The following RNF212B variants were observed in gnomAD, a reference collection of about 807,000 sequenced individuals.
RNF212B encodes the protein E3 ubiquitin-protein ligase RNF212B.
Under a neutral mutation model 55.5 loss-of-function variants are expected in RNF212B, and 52 were observed. The observed-to-expected ratio is 0.94, with a 90% CI of 0.75 to 1.18. The LOEUF (loss-of-function observed/expected upper bound fraction) is 1.18, where lower values mean the gene tolerates loss of function less well. RNF212B is among the 50% of genes most tolerant of loss of function. The pLI, the probability that RNF212B is intolerant of heterozygous loss-of-function variation, is 0.00. For missense variants in RNF212B, 289 were observed against 350.4 expected (o/e 0.82, Z 1.40); for synonymous variants, 99 against 121.4 (o/e 0.82, Z 1.21).
At chr14:23,257,156 C>A (rs117713013) in intron 4 of RNF212B, among the ~76,000 whole-genome samples, 60,018 of 150,942 alleles carry the variant, frequency 0.4, 11,984 homozygotes, top group East Asian at 0.42. Flanking sequence ...CAGTCACACA[C>A]ACACAAAAAA....
intron 2 of RNF212B, among the ~76,000 whole-genome samples, chr14:23,226,500 G>A (rs1360064408): frequency 6.6e-6 from 1 of 151,612 alleles, no homozygotes; most frequent in Non-Finnish European, 1.5e-5. Context: ...ACATGGCGGC[G>A]TGCGCCTGTA....
At chr14:23,246,399 A>C (rs1883981579) in intron 4 of RNF212B, among the ~76,000 whole-genome samples, 1 of 152,158 alleles carries the variant, frequency 6.6e-6, no homozygotes, top group Non-Finnish European at 1.5e-5. Context: ...AAATACAGTA[A>C]AGTGATAATA....
chr14:23,264,318 A>T, intron 10 of RNF212B, 84 bp downstream of exon 10: 1 of 1,189,520 alleles, frequency 8.4e-7, no homozygotes, highest in South Asian at 1.4e-5. Flanking sequence ...TTAAATTTAT[A>T]TTGGTTTTGG....
intron 2 of RNF212B, among the ~76,000 whole-genome samples, chr14:23,225,032 A>G (rs985090778): frequency 6.6e-6 from 1 of 152,164 alleles, no homozygotes; most frequent in African/African-American, 2.4e-5. Flanking sequence ...ACATAAATGC[A>G]AATTGAAACT....
At chr14:23,255,551 A>G (rs1197578692) in intron 4 of RNF212B, among the ~76,000 whole-genome samples, 1 of 152,190 alleles carries the variant, frequency 6.6e-6, no homozygotes, top group Non-Finnish European at 1.5e-5. Context: ...CAATAGAACT[A>G]CTTTTATTAT....
intron 2 of RNF212B, among the ~76,000 whole-genome samples, chr14:23,222,209 T>C (rs1039852658): frequency 1.3e-5 from 2 of 151,810 alleles, no homozygotes; most frequent in Non-Finnish European, 2.9e-5. Context: ...AAAAAGTTCT[T>C]TTGAAAAGAT....
chr14:23,204,532 G>A (rs1394665627), intron 2 of RNF212B, among the ~76,000 whole-genome samples: 1 of 152,136 alleles, frequency 6.6e-6, no homozygotes, highest in Non-Finnish European at 1.5e-5. Context: ...TCAGTTGGCT[G>A]TAAGTATTTG....
At chr14:23,245,371 T>A (rs1393165696) in intron 4 of RNF212B, among the ~76,000 whole-genome samples, 1 of 152,082 alleles carries the variant, frequency 6.6e-6, no homozygotes, top group Non-Finnish European at 1.5e-5. Flanking sequence ...CAGCTGAGAC[T>A]CAAGGAGAAA....
chr14:23,230,926 T>C (rs1295941818), intron 2 of RNF212B, among the ~76,000 whole-genome samples: 1 of 152,190 alleles, frequency 6.6e-6, no homozygotes, highest in Non-Finnish European at 1.5e-5. Flanking sequence ...CAACTGACCA[T>C]AGATGTGAGG....
In RNF212B at chr14:23,214,408, C is replaced by T. The variant is rs1246800099; in HGVS notation, c.-2+21007C>T. ...ACTTGGGAGGCTGAGTCAGGAGAAT[C>T]GCTTGAACCCAGGAGGTGGAGGTTG... On this transcript the variant is annotated intron_variant, in intron 2 of 15. Coordinates refer to the RNF212B transcript ENST00000399910. Among the ~76,000 whole-genome samples the T allele has an allele frequency of 9.9e-5, 15 of 152,174 alleles. No homozygotes were observed. In the East Asian group the frequency reaches 1.5e-3, roughly 16 times the overall value.
chr14:23,269,529 G>A (rs1885926543), intron 12 of RNF212B, among the ~76,000 whole-genome samples: 1 of 152,000 alleles, frequency 6.6e-6, no homozygotes, highest in South Asian at 2.1e-4. Context: ...CCCAGGTGTT[G>A]GAGACCAGGC....
intron 2 of RNF212B, among the ~76,000 whole-genome samples, chr14:23,227,198 A>G (rs935977477): frequency 4.6e-5 from 7 of 151,058 alleles, no homozygotes; most frequent in African/African-American, 1.7e-4. Flanking sequence ...CTATGAATCT[A>G]TAGCTATTTT....
At chr14:23,226,296 C>CA (rs71119005) in intron 2 of RNF212B, among the ~76,000 whole-genome samples, 1,896 of 75,798 alleles carry the variant, frequency 0.025, 17 homozygotes, top group South Asian at 0.038. Context: ...GAAACCGTCT[C>CA]AAAAAAAAAA....
chr14:23,254,317 C>CA (rs961072700), intron 4 of RNF212B, among the ~76,000 whole-genome samples: 1 of 141,016 alleles, frequency 7.1e-6, no homozygotes, highest in Non-Finnish European at 1.6e-5. Context: ...CAAAACAAAA[C>CA]AAAAAAACAA....
At chr14:23,232,807 C>T (rs1456352742) in intron 2 of RNF212B, among the ~76,000 whole-genome samples, 10 of 148,442 alleles carry the variant, frequency 6.7e-5, no homozygotes, top group South Asian at 2.2e-4. Context: ...AGCCTCTGCC[C>T]GGCCGCCACC....
At chr14:23,214,510 A>C (rs1220047965) in intron 2 of RNF212B, among the ~76,000 whole-genome samples, 1 of 151,958 alleles carries the variant, frequency 6.6e-6, no homozygotes, top group Non-Finnish European at 1.5e-5. Context: ...AATTAAATTA[A>C]ATTAAAATTT....
At chr14:23,227,467 T>C (rs916267833) in intron 2 of RNF212B, among the ~76,000 whole-genome samples, 1 of 152,140 alleles carries the variant, frequency 6.6e-6, no homozygotes, top group African/African-American at 2.4e-5. Context: ...CATGGGTGTG[T>C]TGAGTTTGTG....
At chr14:23,265,567 T>G (rs1049156019) in intron 11 of RNF212B, among the ~76,000 whole-genome samples, 3 of 152,184 alleles carry the variant, frequency 2.0e-5, no homozygotes, top group Non-Finnish European at 1.5e-5. Flanking sequence ...CCTCTAAATC[T>G]CCCACATTTG....
At chr14:23,265,062 C>A (rs1377963401) in intron 11 of RNF212B, among the ~76,000 whole-genome samples, 1 of 152,188 alleles carries the variant, frequency 6.6e-6, no homozygotes, top group African/African-American at 2.4e-5. Flanking sequence ...CTCAGGTGAT[C>A]CGCCTTCCTC....
Sources: allele counts gnomAD v4.1 joint callset (sites outside exome capture counted in the v4.1 genomes callset), GRCh38; gene constraint gnomAD v4.1.1; transcripts MANE v1.5; gene names NCBI Gene and HGNC (gene_info 2026-07-23, HGNC 2026-07-21).